Variants in CDC42BPB observed in about 807,000 individuals in gnomAD.
CDC42BPB encodes CDC42 binding protein kinase beta.
Under a neutral mutation model 214.9 loss-of-function variants are expected in CDC42BPB, and 37 were observed. That is an observed-to-expected ratio of 0.17 (90% CI 0.13 to 0.23). The LOEUF (loss-of-function observed/expected upper bound fraction) is 0.23. Ranked by LOEUF, CDC42BPB falls within the 10% of genes least tolerant of loss-of-function variation. The pLI is 1.00. For synonymous variants in CDC42BPB, 931 were observed against 884.0 expected, an observed-to-expected ratio of 1.05 and a Z score of -0.94; for missense variants, 1,694 against 2,227.0, an observed-to-expected ratio of 0.76 and a Z score of 4.82.
intron 28 of CDC42BPB, among the ~76,000 whole-genome samples, 161 bp downstream of exon 28, chr14:102,946,307 G>A (rs1595453100): frequency 6.6e-6 from 1 of 152,264 alleles, no homozygotes; most frequent in East Asian, 1.9e-4. Flanking sequence ...ACAGGCGTGA[G>A]CCACCGCACC....
chr14:103,036,196 A>C (rs2139726233), intron 1 of CDC42BPB, among the ~76,000 whole-genome samples: 1 of 144,368 alleles, frequency 6.9e-6, no homozygotes, highest in Non-Finnish European at 1.5e-5. Flanking sequence ...TCTGTCGCCC[A>C]GGCTGGACTG....
rs571415398 is a variant in CDC42BPB at position 103,049,678 on chromosome 14, C to T, written c.175+7321G>A. ...GTTAAATGATGTTAAAAGAAAATCA[C>T]CCCATGGGGCATGGTGGGAAGTGCT... is the stretch of plus-strand genomic sequence containing the variant. On this transcript the variant is annotated intron_variant, in intron 1 of 36. Transcript: ENST00000361246. Among the ~76,000 whole-genome samples, 6 of 152,274 alleles carry T rather than the reference C, an allele frequency of 3.9e-5. No homozygotes were observed. The East Asian group carries it at 7.7e-4, about 20-fold the overall frequency.
chr14:103,001,079 T>C lies in CDC42BPB; in HGVS notation c.448-1366A>G, dbSNP rs1276668700. ...AGGTCCCTGCTCTCAACAGAATCTT[T>C]ACCAGCAAACTCTCATCCCTTCCAA... is the stretch of plus-strand genomic sequence containing the variant. On this transcript the variant is annotated intron_variant, in intron 4 of 36. Coordinates refer to ENST00000361246, the MANE Select transcript of CDC42BPB (RefSeq NM_006035.4). This position sits in a 1 kb window ranked among gnomAD's most constrained non-coding sequence, Gnocchi z 5.8. 1.3e-5 allele frequency among the ~76,000 whole-genome samples: 2 copies of C among 152,186 alleles called. No individual in the cohort carries two copies. The highest frequency in any genetic ancestry group is 3.2e-3 in the Middle Eastern group (1 of 316).
At chr14:103,056,335 G>C (rs574658027) in intron 1 of CDC42BPB, among the ~76,000 whole-genome samples, 82 of 152,304 alleles carry the variant, frequency 5.4e-4, no homozygotes, top group African/African-American at 1.9e-3. Context: ...TTCCCTTGAA[G>C]GTGTTACAGC....
chr14:102,972,268 TGGTTACAGATTA>T (rs1893509936), intron 12 of CDC42BPB, 107 bp from the exon 13 acceptor site: 1 of 1,540,570 alleles, frequency 6.5e-7, no homozygotes, highest in East Asian at 2.3e-5. Context: ...CAGCCAATGC[TGGTTACAGATTA>T]GAGCCACAGA....
chr14:103,048,164 G>T (rs1204657570), intron 1 of CDC42BPB, among the ~76,000 whole-genome samples: 1 of 152,186 alleles, frequency 6.6e-6, no homozygotes, highest in African/African-American at 2.4e-5. Flanking sequence ...AGGGATGAAG[G>T]TGATAAGATT....
rs145340998 is a variant in CDC42BPB at position 102,978,111 on chromosome 14, T to A, written c.1220+15A>T. On this transcript the variant is annotated intron_variant, in intron 9 of 36. Transcript: ENST00000361246. ...GGGGAAGTGTCTCCCTGGGGAATGA[T>A]AAATCCAGACATACCTTTCCGTTGT... The A allele has an allele frequency of 2.3e-4, 365 of 1,592,172 alleles. No individual in the cohort carries two copies. Among genetic ancestry groups the A allele is most frequent in the Non-Finnish European group, 3.0e-4 (352 of 1,160,022 alleles).
At chr14:102,974,663 G>C (rs1893653916) in intron 11 of CDC42BPB, among the ~76,000 whole-genome samples, 1 of 152,240 alleles carries the variant, frequency 6.6e-6, no homozygotes, top group African/African-American at 2.4e-5. Context: ...AGGCTTAAAA[G>C]TGATTGGAGC....
At chr14:102,966,867 A>C (rs1429406666) in intron 17 of CDC42BPB, among the ~76,000 whole-genome samples, 179 bp downstream of exon 17, 2 of 152,048 alleles carry the variant, frequency 1.3e-5, no homozygotes, top group Non-Finnish European at 2.9e-5. Context: ...CTCCACCTCT[A>C]TTCCAACAGA....
intron 7 of CDC42BPB, 155 bp from the exon 8 acceptor site, chr14:102,981,176 C>G (rs1328071910): frequency 1.0e-6 from 1 of 985,288 alleles, no homozygotes; most frequent in Non-Finnish European, 1.2e-6. Flanking sequence ...ATTTCCATTC[C>G]CAAAAGGCAA....
intron 5 of CDC42BPB, among the ~76,000 whole-genome samples, chr14:102,997,073 A>G (rs753239406): frequency 6.6e-6 from 1 of 152,088 alleles, no homozygotes; most frequent in African/African-American, 2.4e-5. Context: ...CGGAAGAGCT[A>G]TAACTCAGCA....
Position 103,004,322 on chromosome 14 carries a change from T to C in CDC42BPB, c.352-299A>G, listed in dbSNP as rs1469239507. ...CCCCACCCTTATGTGGATTCCTGAC[T>C]GGGCTCCTCCCACCTGGCACCTCCT... is the stretch of plus-strand genomic sequence containing the variant. On this transcript the variant is annotated intron_variant, in intron 3 of 36. Transcript: ENST00000361246. The surrounding 1 kb of genome is among the most constrained non-coding windows in gnomAD (Gnocchi z 5.3). 2 of 429,694 alleles carry C rather than the reference T, an allele frequency of 4.7e-6. No homozygotes were observed. Among genetic ancestry groups the C allele is most frequent in the Non-Finnish European group, 6.9e-6 (2 of 288,094 alleles). 26.6% of individuals were successfully genotyped at this position (429,694 alleles called of 1,614,324 possible).
In CDC42BPB at chr14:102,933,718, G is replaced by A; in HGVS notation, c.5130C>T (p.Asp1710=). 2 of 1,473,730 alleles carry A rather than the reference G, an allele frequency of 1.4e-6. No individual in the cohort carries two copies. Among genetic ancestry groups the A allele is most frequent in the Non-Finnish European group, 1.8e-6 (2 of 1,127,382 alleles). The allele number at this position is 1,473,730 out of a possible 1,614,324, so 91.3% of individuals were successfully genotyped here. A position where few individuals can be genotyped will look rare whatever the true frequency, so the allele number is the denominator to read the frequency against. ...PLEGLEQPAC[D]T is the part of the protein sequence containing the mutation. ...CTGTGGCGAGCTGGCGGCTTCAGGTGTCACAGGCCGGCTGCTCCAGGCCTT... is the reference window on the plus strand; with the variant it reads ...CTGTGGCGAGCTGGCGGCTTCAGGTATCACAGGCCGGCTGCTCCAGGCCTT... The change falls in exon 37 of 37, where the codon GAC becomes GAT. Residue 1710 remains aspartate, a synonymous_variant. Coordinates refer to ENST00000361246, the MANE Select transcript of CDC42BPB (RefSeq NM_006035.4).
chr14:102,961,162 GAATCAATC>G (rs34666495), intron 20 of CDC42BPB, among the ~76,000 whole-genome samples: 39,154 of 149,492 alleles, frequency 0.26, 5,856 homozygotes, highest in Non-Finnish European at 0.34. Context: ...GCAAGACCCT[GAATCAATC>G]AATCAATCAA....
At chr14:102,947,575 C>T (rs749848985) in intron 27 of CDC42BPB, 146 bp downstream of exon 27, 15 of 722,872 alleles carry the variant, frequency 2.1e-5, no homozygotes, top group South Asian at 8.2e-5. Context: ...CAGGACGGGA[C>T]GCACAAGGAC....
intron 1 of CDC42BPB, among the ~76,000 whole-genome samples, chr14:103,018,053 G>T (rs930616093): frequency 2.0e-5 from 3 of 152,194 alleles, no homozygotes; most frequent in Non-Finnish European, 4.4e-5. Context: ...GGATGAAACT[G>T]TCCCACCCTG....
At chr14:103,015,958 C>T (rs1222301123) in intron 1 of CDC42BPB, among the ~76,000 whole-genome samples, 3 of 152,032 alleles carry the variant, frequency 2.0e-5, no homozygotes, top group Non-Finnish European at 4.4e-5. Context: ...CCTCGTGATC[C>T]GCCCACCTCG....
At chr14:103,006,793 TTC>T (rs1225716023) in intron 3 of CDC42BPB, among the ~76,000 whole-genome samples, 1 of 152,236 alleles carries the variant, frequency 6.6e-6, no homozygotes, top group African/African-American at 2.4e-5. Context: ...TCTTGAGCTT[TTC>T]TGAGCATGCC....
At chr14:103,011,300 C>G (rs942328087) in intron 2 of CDC42BPB, among the ~76,000 whole-genome samples, 3 of 152,246 alleles carry the variant, frequency 2.0e-5, no homozygotes, top group African/African-American at 4.8e-5. Context: ...CTAGGCAAAG[C>G]CAACCGGACC....
Sources: allele counts gnomAD v4.1 joint callset (sites outside exome capture counted in the v4.1 genomes callset), GRCh38; gene constraint gnomAD v4.1.1; non-coding constraint Gnocchi (gnomAD v3.1); transcripts MANE v1.5; gene names NCBI Gene and HGNC (gene_info 2026-07-23, HGNC 2026-07-21).